CDH4: variants seen among roughly 807,000 people sequenced by gnomAD.
The protein encoded by CDH4 is cadherin-4.
Under a neutral mutation model 86.0 loss-of-function variants are expected in CDH4, and 33 were observed. The ratio of observed to expected loss-of-function variants is 0.38; its 90% confidence interval spans 0.29 to 0.51. CDH4 has a LOEUF of 0.51. Among genes scored for constraint, CDH4 ranks in the 20% least tolerant of loss-of-function variants. The pLI is 0.86. For synonymous variants in CDH4, 555 were observed against 549.4 expected (o/e 1.01, Z -0.14); for missense variants, 1,114 against 1,307.4 (o/e 0.85, Z 2.28).
rs1225100347 is a variant in CDH4, at chr20:61,518,490, T to C, written c.170-225073T>C. ...CGTCCATCCATCCATCCTTCCATCA[T>C]TGATTCATCATCCATCCATCCGTCC... is the stretch of plus-strand genomic sequence containing the variant. On this transcript the variant is annotated intron_variant, in intron 2 of 15. Coordinates refer to ENST00000614565, the MANE Select transcript of CDH4 (RefSeq NM_001794.5). The surrounding 1 kb of genome is among the most constrained non-coding windows in gnomAD (Gnocchi z 6.3). 6.6e-6 allele frequency among the ~76,000 whole-genome samples: 1 copy of C among 151,798 alleles called. No individual in the cohort carries two copies. Among genetic ancestry groups the C allele is most frequent in the Non-Finnish European group, 1.5e-5 (1 of 67,894 alleles).
At chr20:61,928,160 C>T in intron 11 of CDH4, 30 bp from the exon 12 acceptor site, 1 of 1,558,228 alleles carries the variant, frequency 6.4e-7, no homozygotes, top group Non-Finnish European at 8.7e-7. Context: ...CCAGGAGTGG[C>T]CCGTGTGGTG....
At chr20:61,580,685 G>A (rs1382005035) in intron 2 of CDH4, among the ~76,000 whole-genome samples, 1 of 152,110 alleles carries the variant, frequency 6.6e-6, no homozygotes, top group Non-Finnish European at 1.5e-5. Flanking sequence ...GCTGAAGCAG[G>A]GATCCGTGTT....
At chr20:61,785,115 T>TA (rs1243905156) in intron 4 of CDH4, among the ~76,000 whole-genome samples, 2 of 152,190 alleles carry the variant, frequency 1.3e-5, no homozygotes, top group Non-Finnish European at 2.9e-5. Flanking sequence ...CATGTGGCTC[T>TA]AGGGCTCACC....
chr20:61,771,579 G>A (rs1007861308), intron 3 of CDH4, among the ~76,000 whole-genome samples: 6 of 140,004 alleles, frequency 4.3e-5, no homozygotes, highest in Admixed American at 3.1e-4. Flanking sequence ...AGCCAAGATC[G>A]TATCACTGCT....
intron 2 of CDH4, among the ~76,000 whole-genome samples, chr20:61,534,802 T>C (rs1025441171): frequency 8.0e-6 from 1 of 124,654 alleles, no homozygotes; most frequent in African/African-American, 2.9e-5. Context: ...CTGTTCATCC[T>C]CAACCCGACG....
chr20:61,800,591 T>TTAGGATAATATAAATAGTTAAATTAA (rs1979777720), intron 4 of CDH4, among the ~76,000 whole-genome samples: 1 of 152,240 alleles, frequency 6.6e-6, no homozygotes, highest in Admixed American at 6.5e-5. Flanking sequence ...AGAGCGGGGC[T>TTAGGATAATATAAATAGTTAAATTAA]GCAGTGTGAG....
At position 61,686,734 on chromosome 20, in the gene CDH4, CGT is replaced by C. The variant is rs369666011; in HGVS notation, c.170-56821_170-56820del. Among the ~76,000 whole-genome samples the C allele has an allele frequency of 1.3e-4, 18 of 141,322 alleles. No homozygotes were observed. The East Asian group carries it at 3.5e-3, about 27-fold the overall frequency. The allele number at this position is 141,322 out of a possible 152,430, so 92.7% of individuals were successfully genotyped here. ...GCATTCCCGTGTGTGTGCCTTCGTG[CGT>C]GTGTGTGCATATGTGTATATGTGCG... On this transcript the variant is annotated intron_variant, in intron 2 of 15. Transcript: ENST00000614565.
chr20:61,924,428 T>C lies in CDH4; in HGVS notation c.1723T>C (p.Tyr575His). The change falls in exon 11 of 16, where the codon TAC (tyrosine) becomes CAC (histidine). Residue 575 changes from tyrosine to histidine, a missense_variant. Tyr to His is a moderately conservative substitution (Grantham distance 83). Around this residue, in one of 3 missense-constraint regions of CDH4, gnomAD observed 705 missense variants for 914.1 expected, o/e 0.77. Coordinates refer to ENST00000614565, the MANE Select transcript of CDH4 (RefSeq NM_001794.5). ...TAAVLDRESLYTKNNVYEATF... is the reference protein window; with the variant it reads ...TAAVLDRESLHTKNNVYEATF... ...GGCAGTGCTGGACCGTGAGTCCCTCTACACCAAAAACAACGTCTACGAGGC... is the reference window on the plus strand; with the variant it reads ...GGCAGTGCTGGACCGTGAGTCCCTCCACACCAAAAACAACGTCTACGAGGC... 6.2e-7 allele frequency: 1 copy of C among 1,613,664 alleles called. No individual in the cohort carries two copies. Among genetic ancestry groups the C allele is most frequent in the Non-Finnish European group, 8.5e-7 (1 of 1,179,926 alleles).
intron 2 of CDH4, among the ~76,000 whole-genome samples, chr20:61,267,992 T>C (rs530472057): frequency 1.3e-5 from 2 of 152,204 alleles, no homozygotes; most frequent in Non-Finnish European, 2.9e-5. Context: ...GTGTCCCTCT[T>C]GCAGCCTGTG....
intron 11 of CDH4, among the ~76,000 whole-genome samples, chr20:61,927,752 C>T (rs2055060039): frequency 6.6e-6 from 1 of 152,248 alleles, no homozygotes; most frequent in Non-Finnish European, 1.5e-5. Flanking sequence ...AGTGAGTCCC[C>T]GGTGCGTGGC....
At chr20:61,883,994 G>A (rs1984418640) in intron 7 of CDH4, among the ~76,000 whole-genome samples, 1 of 152,138 alleles carries the variant, frequency 6.6e-6, no homozygotes, top group Non-Finnish European at 1.5e-5. Context: ...CTTTCTTTGT[G>A]GCCTCCCCTG....
At chr20:61,631,742 C>T (rs949963983) in intron 2 of CDH4, among the ~76,000 whole-genome samples, 2 of 152,266 alleles carry the variant, frequency 1.3e-5, no homozygotes, top group Admixed American at 6.5e-5. Context: ...GAGGAGCACC[C>T]TCTTGGCTGG....
chr20:61,544,298 A>T lies in CDH4; in HGVS notation c.170-199265A>T, dbSNP rs564832815. ...GCGGGTGGAGGCTGGGTACGGCTAA[A>T]CACCCCACAGCCCAGGACAGCCTCG... On this transcript the variant is annotated intron_variant, in intron 2 of 15. Transcript: ENST00000614565. This position sits in a 1 kb window ranked among gnomAD's most constrained non-coding sequence, Gnocchi z 6.5. 5.9e-5 allele frequency among the ~76,000 whole-genome samples: 9 copies of T among 151,970 alleles called. No homozygotes were observed. The East Asian group carries it at 1.8e-3, about 30-fold the overall frequency.
intron 2 of CDH4, among the ~76,000 whole-genome samples, chr20:61,373,517 C>T (rs1457520752): frequency 6.6e-6 from 1 of 152,174 alleles, no homozygotes; most frequent in Non-Finnish European, 1.5e-5. Flanking sequence ...TGAATGTCGT[C>T]CTGGGGCTCG....
chr20:61,331,684 G>C (rs1206384256), intron 2 of CDH4, among the ~76,000 whole-genome samples: 34 of 55,728 alleles, frequency 6.1e-4, no homozygotes, highest in African/African-American at 7.1e-4. Context: ...CTCCTGCCCC[G>C]GCCACCTGCC....
intron 2 of CDH4, among the ~76,000 whole-genome samples, chr20:61,701,366 G>A (rs556449642): frequency 4.6e-5 from 7 of 152,330 alleles, no homozygotes; most frequent in East Asian, 3.9e-4. Context: ...CATAACAAGC[G>A]AGTGAATGGA....
chr20:61,717,417 T>G (rs6061328), intron 2 of CDH4: 33,376 of 152,388 alleles, frequency 0.22, 4,039 homozygotes, highest in East Asian at 0.41. Flanking sequence ...GGAAGCACAG[T>G]TTCCCCCCAC....
intron 2 of CDH4, among the ~76,000 whole-genome samples, chr20:61,539,735 T>C (rs1472976624): frequency 6.6e-6 from 1 of 151,760 alleles, no homozygotes; most frequent in Non-Finnish European, 1.5e-5. Flanking sequence ...CCTGGTGGTG[T>C]CCCCCCCAAG....
chr20:61,929,745 T>C lies in CDH4; in HGVS notation c.2142T>C (p.Asp714=), dbSNP rs1469141969. 6.2e-7 allele frequency: 1 copy of C among 1,614,218 alleles called. No homozygotes were observed. Among genetic ancestry groups the C allele is most frequent in the Admixed American group, 1.7e-5 (1 of 60,028 alleles). The stretch of plus-strand genomic sequence containing the variant: ...TCAAAGTCAAGGTGTGCCCATGTGA[T>C]GACAACGGGGACTGCACCACCATTG... The part of the protein sequence containing the change: ...SIIKVKVCPC[D]DNGDCTTIGA... Residue 714 remains aspartate (D), a synonymous_variant, in exon 13 of 16, where the codon GAT becomes GAC. Transcript: ENST00000614565.
Sources: allele counts gnomAD v4.1 joint callset (sites outside exome capture counted in the v4.1 genomes callset), GRCh38; gene constraint gnomAD v4.1.1; regional missense constraint gnomAD v4.1.1; non-coding constraint Gnocchi (gnomAD v3.1); transcripts MANE v1.5; gene names NCBI Gene and HGNC (gene_info 2026-07-23, HGNC 2026-07-21).